Variants in ZBBX observed in about 807,000 individuals in gnomAD.
The protein encoded by ZBBX is zinc finger B-box domain containing.
A neutral mutation model predicts 108.5 loss-of-function variants in ZBBX; 101 were observed. That is an observed-to-expected ratio of 0.93 (90% CI 0.79 to 1.10). ZBBX has a LOEUF of 1.10. Ranked by LOEUF, ZBBX falls within the 50% of genes least tolerant of loss-of-function variation. ZBBX has a pLI of 0.00. For missense variants in ZBBX, 1,009 were observed against 941.4 expected, an observed-to-expected ratio of 1.07 and a Z score of -0.94; for synonymous variants, 356 against 323.4, an observed-to-expected ratio of 1.10 and a Z score of -1.08.
At chr3:167,341,604 CAAAAT>C (rs1740544429) in intron 9 of ZBBX, among the ~76,000 whole-genome samples, 1 of 151,750 alleles carries the variant, frequency 6.6e-6, no homozygotes, top group South Asian at 2.1e-4. Flanking sequence ...ATAGCAAAAA[CAAAAT>C]AACATAAGAA....
intron 20 of ZBBX, among the ~76,000 whole-genome samples, chr3:167,263,079 CCA>C (rs1471105584): frequency 2.1e-5 from 3 of 145,250 alleles, no homozygotes; most frequent in South Asian, 2.2e-4. Context: ...GTTCTGTTGC[CCA>C]GGCTTGAGTG....
In ZBBX at chr3:167,282,411, T is replaced by TGA. The variant is rs747089643; in HGVS notation, c.2079_2080dup (p.His694LeufsTer36). 2.5e-6 allele frequency: 4 copies of TGA among 1,613,862 alleles called. No homozygotes were observed. The highest frequency in any genetic ancestry group is 1.6e-4 in the Middle Eastern group (1 of 6,062). On this transcript the variant is annotated frameshift_variant, in exon 20 of 22. Transcript: ENST00000675490. LOFTEE classifies it high-confidence loss of function. ...AGCAGCTGCACTTCTTGATCGAGGA[T>TGA]GAGAGGATGAAAGGCAACTGGAGCT...
In ZBBX at chr3:167,374,223, G is replaced by T. The variant is rs1485568598; in HGVS notation, c.-131-436C>A. Among the ~76,000 whole-genome samples the T allele has an allele frequency of 2.6e-5, 4 of 151,912 alleles. No individual in the cohort carries two copies. The East Asian group carries it at 7.7e-4, about 29-fold the overall frequency. On this transcript the variant is annotated intron_variant, in intron 2 of 21. Coordinates refer to ENST00000675490, the MANE Select transcript of ZBBX (RefSeq NM_001199201.2). ...CATTCTAATATCCTCATTTATCAAA[G>T]AAAATTTTAATGATACTCTTTGGCT... is the stretch of plus-strand genomic sequence containing the variant.
At chr3:167,251,187 C>G (rs1000230271) in intron 20 of ZBBX, among the ~76,000 whole-genome samples, 1 of 152,128 alleles carries the variant, frequency 6.6e-6, no homozygotes, top group Admixed American at 6.5e-5. Context: ...TTCTGGCTCC[C>G]CCAGTGGTGG....
At chr3:167,266,558 A>C (rs1041237674) in intron 20 of ZBBX, among the ~76,000 whole-genome samples, 1 of 152,090 alleles carries the variant, frequency 6.6e-6, no homozygotes, top group Admixed American at 6.5e-5. Context: ...CCATATTTAG[A>C]AAAATATTTA....
At chr3:167,362,781 T>C (rs12491610) in intron 6 of ZBBX, among the ~76,000 whole-genome samples, 13,439 of 152,074 alleles carry the variant, frequency 0.088, 598 homozygotes, top group Admixed American at 0.11. Flanking sequence ...TTCAGTGCTG[T>C]TTCCAGAATA....
chr3:167,234,959 G>T (rs552143182), downstream of ZBBX, among the ~76,000 whole-genome samples: 2 of 151,732 alleles, frequency 1.3e-5, no homozygotes, highest in Non-Finnish European at 3.0e-5. Flanking sequence ...CATCGTGACG[G>T]CTAAAAAATA....
At chr3:167,255,750 A>G (rs1723395870) in intron 20 of ZBBX, among the ~76,000 whole-genome samples, 1 of 152,038 alleles carries the variant, frequency 6.6e-6, no homozygotes, top group Non-Finnish European at 1.5e-5. Flanking sequence ...GTGATAACTA[A>G]ATCATGAAAA....
chr3:167,374,387 T>C (rs898154176), intron 2 of ZBBX, among the ~76,000 whole-genome samples: 9 of 152,214 alleles, frequency 5.9e-5, no homozygotes, highest in African/African-American at 9.6e-5. Context: ...TTCATGGTTC[T>C]ATAATAATTT....
At chr3:167,307,743 G>A (rs548899834) in intron 16 of ZBBX, among the ~76,000 whole-genome samples, 1 of 152,166 alleles carries the variant, frequency 6.6e-6, no homozygotes, top group East Asian at 1.9e-4. Flanking sequence ...AATGATGGTG[G>A]GATAACTGGC....
chr3:167,190,420 G>A, the ZBBX span, among the ~76,000 whole-genome samples: 2 of 124,434 alleles, frequency 1.6e-5, no homozygotes, highest in African/African-American at 3.2e-5. Context: ...TCTCTCTGTC[G>A]CCCAGGCTGG....
rs6778807 is a variant in ZBBX at position 167,297,643 on chromosome 3, A to G, written c.1879+662T>C. ...TTGCAAATAATATATCTTAAGAAGA[A>G]GCAGTATCCAGAATATAATAAGGAA... On this transcript the variant is annotated intron_variant, in intron 18 of 21. Transcript: ENST00000675490. Among the ~76,000 whole-genome samples, 380 of 152,122 alleles carry G rather than the reference A, an allele frequency of 2.5e-3. 2 individuals are homozygous for G. The highest frequency in any genetic ancestry group is 8.6e-3 in the African/African-American group (358 of 41,554).
intron 1 of ZBBX, among the ~76,000 whole-genome samples, chr3:167,399,781 G>A (rs970855125): frequency 1.3e-5 from 2 of 152,060 alleles, no homozygotes; most frequent in East Asian, 3.9e-4. Context: ...TGATGCTGAG[G>A]CTTGAGGTAT....
chr3:167,330,339 T>A (rs922994862), intron 10 of ZBBX, among the ~76,000 whole-genome samples: 1 of 152,124 alleles, frequency 6.6e-6, no homozygotes, highest in Non-Finnish European at 1.5e-5. Context: ...AAACCTTTTT[T>A]TAAAGAAGAA....
At chr3:167,351,726 G>A (rs745924508) in intron 8 of ZBBX, among the ~76,000 whole-genome samples, 2 of 152,142 alleles carry the variant, frequency 1.3e-5, no homozygotes. Flanking sequence ...CATTCCTGGA[G>A]CCCATACCCC....
At chr3:167,352,830 AC>A (rs1742902658) in intron 8 of ZBBX, among the ~76,000 whole-genome samples, 1 of 152,174 alleles carries the variant, frequency 6.6e-6, no homozygotes, top group African/African-American at 2.4e-5. Context: ...ACATATGCAA[AC>A]CAATAAATGT....
chr3:167,222,241 A>G, the ZBBX span, among the ~76,000 whole-genome samples: 2 of 151,206 alleles, frequency 1.3e-5, no homozygotes, highest in Non-Finnish European at 3.0e-5. Context: ...AAAAAATGAG[A>G]TTCTATCATT....
Position 167,368,447 on chromosome 3 carries a change from A to G in ZBBX, c.182+14T>C, listed in dbSNP as rs1298232771. ...TAGTTGATTCATCTAAAATTCTCTA[A>G]GAGTTTCACTCACTCTCTATCTTCC... On this transcript the variant is annotated intron_variant, in intron 5 of 21. Coordinates refer to ENST00000675490, the MANE Select transcript of ZBBX (RefSeq NM_001199201.2). 18 of 1,573,870 alleles carry G rather than the reference A, an allele frequency of 1.1e-5. No homozygotes were observed. Among genetic ancestry groups the G allele is most frequent in the Non-Finnish European group, 1.5e-5 (17 of 1,144,676 alleles).
intron 12 of ZBBX, among the ~76,000 whole-genome samples, chr3:167,321,740 A>G (rs564719061): frequency 6.6e-6 from 1 of 152,176 alleles, no homozygotes; most frequent in African/African-American, 2.4e-5. Context: ...TGTTTAATTA[A>G]TTTAAAACTA....
Sources: gnomAD v4.1 joint callset for allele counts (sites outside exome capture counted in the v4.1 genomes callset) on GRCh38, gnomAD v4.1.1 for gene constraint, MANE v1.5 for transcripts, NCBI Gene and HGNC (gene_info 2026-07-23, HGNC 2026-07-21) for gene names.